Variants in INPP5B observed in about 807,000 individuals in gnomAD.
The protein encoded by INPP5B is type II inositol 1,4,5-trisphosphate 5-phosphatase.
A neutral mutation model predicts 118.5 loss-of-function variants in INPP5B; 90 were observed. The observed-to-expected ratio is 0.76, with a 90% CI of 0.64 to 0.90. The LOEUF (loss-of-function observed/expected upper bound fraction) is 0.90. Ranked by LOEUF, INPP5B falls within the 40% of genes least tolerant of loss-of-function variation. INPP5B has a pLI of 0.00. For missense variants in INPP5B, 984 were observed against 1,125.6 expected (o/e 0.87, Z 1.80); for synonymous variants, 385 against 418.9 (o/e 0.92, Z 0.99).
chr1:37,911,275 C>G (rs555550848), intron 7 of INPP5B, among the ~76,000 whole-genome samples: 2 of 152,296 alleles, frequency 1.3e-5, no homozygotes, highest in East Asian at 3.9e-4. Flanking sequence ...TTCTGCCCCC[C>G]AGCTCTTTCA....
At chr1:37,917,308 TTATATATA>T (rs368327131) in intron 7 of INPP5B, among the ~76,000 whole-genome samples, 40,510 of 92,608 alleles carry the variant, frequency 0.44, 9,934 homozygotes, top group East Asian at 0.54. Flanking sequence ...AAAAAAATAA[TTATATATA>T]TATATATATA....
At chr1:37,919,154 A>G (rs561925673) in intron 7 of INPP5B, among the ~76,000 whole-genome samples, 4 of 152,294 alleles carry the variant, frequency 2.6e-5, no homozygotes, top group Admixed American at 6.5e-5. Context: ...TACGATGTGA[A>G]TAGAAGGTTT....
rs79222487 is a variant in INPP5B at position 37,912,261 on chromosome 1, G to A, written c.532+19652C>T. On this transcript the variant is annotated intron_variant, in intron 7 of 23. Coordinates refer to ENST00000373024, the MANE Select transcript of INPP5B (RefSeq NM_005540.3). ...ATCTATAGTACCCCAATGGCTGTTC[G>A]TCTGCAGGATGCCCCACCATTAGGT... Among the ~76,000 whole-genome samples, 776 of 152,272 alleles carry A rather than the reference G, an allele frequency of 5.1e-3. 19 individuals are homozygous for A. The highest frequency in any genetic ancestry group is 0.044 in the Admixed American group (679 of 15,294).
intron 7 of INPP5B, among the ~76,000 whole-genome samples, chr1:37,918,398 C>G (rs1644944230): frequency 6.6e-6 from 1 of 152,188 alleles, no homozygotes; most frequent in South Asian, 2.1e-4. Context: ...AGGATAGATT[C>G]TTCACACATG....
chr1:37,909,721 CA>C (rs201903164), intron 7 of INPP5B, among the ~76,000 whole-genome samples: 6,280 of 152,190 alleles, frequency 0.041, 179 homozygotes, highest in Middle Eastern at 0.072. Flanking sequence ...GAAAAATCTC[CA>C]AAAATTAGAT....
At position 37,887,226 on chromosome 1, in the gene INPP5B, G is replaced by A; in HGVS notation, c.1014+125C>T. 3.9e-6 allele frequency: 3 copies of A among 773,190 alleles called. No individual in the cohort carries two copies. In the South Asian group the frequency reaches 5.1e-5, roughly 13 times the overall value. 47.9% of individuals were successfully genotyped at this position (773,190 alleles called of 1,614,324 possible). ...CGGAGGCACCCCTTCTGGAAGATCT[G>A]GAAATGAAAATTGCGGGATAATTAA... On this transcript the variant is annotated intron_variant, in intron 11 of 23. Transcript: ENST00000373024.
At chr1:37,896,909 C>T (rs1570168651) in intron 7 of INPP5B, among the ~76,000 whole-genome samples, 2 of 130,322 alleles carry the variant, frequency 1.5e-5, no homozygotes, top group South Asian at 5.0e-4. Context: ...GTGAGGGGCG[C>T]TCTGCCCAGC....
In INPP5B at chr1:37,888,356, G is replaced by T; in HGVS notation, c.798-12C>A. ...TTCCCGCAAAAAACCTGTCACCAAA[G>T]AGAAATAATTAGTGACTCCGAATCA... On this transcript the variant is annotated splice_polypyrimidine_tract_variant and intron_variant, in intron 9 of 23. Transcript: ENST00000373024. 6.7e-7 allele frequency: 1 copy of T among 1,495,534 alleles called. No homozygotes were observed. The highest frequency in any genetic ancestry group is 9.0e-7 in the Non-Finnish European group (1 of 1,110,786). 92.6% of individuals were successfully genotyped at this position (1,495,534 alleles called of 1,614,324 possible).
At chr1:37,868,476 G>T (rs779260469) in intron 20 of INPP5B, 25 bp downstream of exon 20, 1 of 1,519,618 alleles carries the variant, frequency 6.6e-7, no homozygotes, top group Non-Finnish European at 9.1e-7. Context: ...CCTCAATCAG[G>T]TCTGAATGCT....
At chr1:37,866,374 TCTCA>T (rs1466950169) in intron 21 of INPP5B, 81 bp downstream of exon 21, 23 of 726,710 alleles carry the variant, frequency 3.2e-5, no homozygotes, top group Middle Eastern at 2.6e-4. Context: ...TTCTCACCCC[TCTCA>T]CTCATATTCT....
At chr1:37,933,462 C>A (rs1410982446) in intron 6 of INPP5B, among the ~76,000 whole-genome samples, 1 of 151,452 alleles carries the variant, frequency 6.6e-6, no homozygotes, top group African/African-American at 2.4e-5. Flanking sequence ...GCAGGAGAAT[C>A]CCTCTAACCT....
intron 15 of INPP5B, among the ~76,000 whole-genome samples, chr1:37,879,672 C>T (rs974678944): frequency 1.2e-4 from 18 of 151,144 alleles, no homozygotes; most frequent in African/African-American, 3.9e-4. Flanking sequence ...GCAGGAGAAT[C>T]GCTTGAACTC....
At chr1:37,905,798 C>T (rs941158628) in intron 7 of INPP5B, among the ~76,000 whole-genome samples, 3 of 152,224 alleles carry the variant, frequency 2.0e-5, no homozygotes, top group Non-Finnish European at 2.9e-5. Context: ...AAGTTAACTG[C>T]ATGGACTGAA....
In INPP5B at chr1:37,868,069, G is replaced by A. The variant is rs144549831; in HGVS notation, c.2301+432C>T. On this transcript the variant is annotated intron_variant, in intron 20 of 23. Coordinates refer to ENST00000373024, the MANE Select transcript of INPP5B (RefSeq NM_005540.3). ...GCAGGGCCTCTGGCAGAGCGCGGTG[G>A]CTCATGCCTGTCATCCCAGCACTTT... 3.5e-3 allele frequency among the ~76,000 whole-genome samples: 527 copies of A among 152,272 alleles called. 5 individuals carry two copies. Among genetic ancestry groups the A allele is most frequent in the Middle Eastern group, 0.031 (9 of 294 alleles).
intron 8 of INPP5B, among the ~76,000 whole-genome samples, chr1:37,890,117 G>T (rs1050217564): frequency 6.6e-6 from 1 of 152,176 alleles, no homozygotes; most frequent in Non-Finnish European, 1.5e-5. Context: ...ACTCATGCCT[G>T]TAATCCCAGC....
chr1:37,865,689 C>T, intron 22 of INPP5B, 72 bp downstream of exon 22: 1 of 1,543,576 alleles, frequency 6.5e-7, no homozygotes, highest in Non-Finnish European at 8.9e-7. Flanking sequence ...ACTTGAGGAA[C>T]TGTGTCCACT....
At chr1:37,871,094 G>A (rs1569984321) in intron 19 of INPP5B, among the ~76,000 whole-genome samples, 2 of 147,162 alleles carry the variant, frequency 1.4e-5, no homozygotes, top group Non-Finnish European at 3.0e-5. Context: ...GACGGCAGAG[G>A]TTGCAGTGAG....
In INPP5B at chr1:37,873,068, C is replaced by T; in HGVS notation, c.2049G>A (p.Leu683=). ...GEDKIEDILV[L]HLDRGKDYFL... ...AGTAATCCTTTCCCCTGTCCAAGTG[C>T]AGAACCAGAATGTCCTCAATTTTGT... Residue 683 remains leucine (L), a synonymous_variant, in exon 19 of 24, where the codon CTG becomes CTA. Transcript: ENST00000373024. The T allele has an allele frequency of 6.2e-7, 1 of 1,614,158 alleles. No homozygotes were observed.
At chr1:37,935,015 C>T (rs1209787258) in intron 6 of INPP5B, among the ~76,000 whole-genome samples, 3 of 150,692 alleles carry the variant, frequency 2.0e-5, no homozygotes, top group African/African-American at 2.4e-5. Context: ...CTGGCTAACA[C>T]GGTGAAACCC....
Sources: gnomAD v4.1 joint callset for allele counts (sites outside exome capture counted in the v4.1 genomes callset) on GRCh38, gnomAD v4.1.1 for gene constraint, MANE v1.5 for transcripts, NCBI Gene and HGNC (gene_info 2026-07-23, HGNC 2026-07-21) for gene names.